ELOVL4: variants seen among roughly 807,000 people sequenced by gnomAD.
The protein encoded by ELOVL4 is ELOVL fatty acid elongase 4.
Under a neutral mutation model 42.1 loss-of-function variants are expected in ELOVL4, and 18 were observed. The ratio of observed to expected loss-of-function variants is 0.43; its 90% CI spans 0.30 to 0.63. ELOVL4 has a LOEUF of 0.63. ELOVL4 is among the 30% of genes least tolerant of loss of function. The pLI, the probability that ELOVL4 is intolerant of heterozygous loss-of-function variation, is 0.15. For synonymous variants in ELOVL4, 117 were observed against 127.0 expected, an observed-to-expected ratio of 0.92 and a Z score of 0.53; for missense variants, 299 against 376.2, an observed-to-expected ratio of 0.79 and a Z score of 1.70.
At position 79,915,142 on chromosome 6, in the gene ELOVL4, T is replaced by C. The variant is rs1398215409; in HGVS notation, c.*1466A>G. ...CAGCTTTGACATGTTGTTGAGATAC[T>C]TAAGAAATATTCATGCTTTTTTTTG... On this transcript the variant is annotated 3_prime_UTR_variant, in exon 6 of 6. Transcript: ENST00000369816. 2 of 152,470 alleles carry C rather than the reference T, an allele frequency of 1.3e-5. No individual in the cohort carries two copies. Among genetic ancestry groups the C allele is most frequent in the African/African-American group, 4.8e-5 (2 of 41,458 alleles). 9.4% of individuals were successfully genotyped at this position (152,470 alleles called of 1,614,324 possible).
At chr6:79,938,700 C>A (rs1582054858) in intron 1 of ELOVL4, among the ~76,000 whole-genome samples, 1 of 152,150 alleles carries the variant, frequency 6.6e-6, no homozygotes, top group South Asian at 2.1e-4. Context: ...ATCTCATACA[C>A]CAGCCTTTAT....
intron 1 of ELOVL4, among the ~76,000 whole-genome samples, chr6:79,933,071 A>G (rs1317993279): frequency 2.6e-5 from 4 of 152,224 alleles, no homozygotes; most frequent in Admixed American, 2.6e-4. Context: ...AAGAAATAAA[A>G]CAATCTGGAA....
chr6:79,947,008 C>G (rs1258719146), intron 1 of ELOVL4, among the ~76,000 whole-genome samples, 172 bp downstream of exon 1: 1 of 152,178 alleles, frequency 6.6e-6, no homozygotes, highest in Non-Finnish European at 1.5e-5. Flanking sequence ...ACATTCGGAT[C>G]AGATTAACCA....
At chr6:79,931,310 A>G (rs1014580584) in intron 1 of ELOVL4, among the ~76,000 whole-genome samples, 4 of 152,086 alleles carry the variant, frequency 2.6e-5, no homozygotes, top group Non-Finnish European at 5.9e-5. Flanking sequence ...TAGAATCATA[A>G]AATTTTAGAT....
intron 1 of ELOVL4, among the ~76,000 whole-genome samples, chr6:79,927,243 C>T (rs531952256): frequency 7.9e-5 from 12 of 151,976 alleles, no homozygotes; most frequent in Admixed American, 5.2e-4. Flanking sequence ...TCTTTTAACA[C>T]ATTATAAAAA....
intron 1 of ELOVL4, among the ~76,000 whole-genome samples, chr6:79,946,116 G>C (rs1774736186): frequency 6.6e-6 from 1 of 152,170 alleles, no homozygotes. Flanking sequence ...AAGTAGGGAA[G>C]GCAGAGTCAT....
intron 4 of ELOVL4, 40 bp from the exon 5 acceptor site, chr6:79,919,587 T>C: frequency 6.2e-7 from 1 of 1,601,302 alleles, no homozygotes; most frequent in Non-Finnish European, 8.5e-7. Flanking sequence ...TACAGAAAAT[T>C]TTATTAGGCA....
intron 4 of ELOVL4, 35 bp downstream of exon 4, chr6:79,921,590 T>C (rs747465851): frequency 1.8e-5 from 29 of 1,598,520 alleles, no homozygotes; most frequent in Non-Finnish European, 2.5e-5. Context: ...ATATATGCAA[T>C]TAAACGCAAG....
intron 5 of ELOVL4, 57 bp downstream of exon 5, chr6:79,919,363 C>T (rs1344081707): frequency 1.3e-6 from 2 of 1,586,088 alleles, no homozygotes. Flanking sequence ...TAAAATTAAT[C>T]AAATTTAAAC....
rs886061807 is a variant in ELOVL4 at position 79,947,541 on chromosome 6, T to G, written c.-262A>C. ...AGGCCCAGCCGCCAGCACAGTGCGC[T>G]GCACCAGTCTGCAGCCTCGCGCAGC... On this transcript the variant is annotated 5_prime_UTR_variant, in exon 1 of 6. Transcript: ENST00000369816. The G allele has an allele frequency of 4.3e-6, 2 of 468,284 alleles. No individual in the cohort carries two copies. Among genetic ancestry groups the G allele is most frequent in the Non-Finnish European group, 3.9e-6 (1 of 255,974 alleles). 29.0% of individuals were successfully genotyped at this position (468,284 alleles called of 1,614,324 possible). A position where few individuals can be genotyped will look rare whatever the true frequency, so the allele number is the denominator to read the frequency against.
Position 79,947,404 on chromosome 6 carries a change from G to C in ELOVL4, c.-125C>G, listed in dbSNP as rs886061803. 2 of 748,398 alleles carry C rather than the reference G, an allele frequency of 2.7e-6. No individual in the cohort carries two copies. The highest frequency in any genetic ancestry group is 4.6e-6 in the Non-Finnish European group (2 of 432,794). 46.4% of individuals were successfully genotyped at this position (748,398 alleles called of 1,614,324 possible). A position where few individuals can be genotyped will look rare whatever the true frequency, so the allele number is the denominator to read the frequency against. Reference sequence around the variant, plus strand: ...GAACCCCTCTAACGGCGGCGGCCCGGCTGCGTCTTCTCCTGCTCCTCAAGG... The same window carrying C: ...GAACCCCTCTAACGGCGGCGGCCCGCCTGCGTCTTCTCCTGCTCCTCAAGG... On this transcript the variant is annotated 5_prime_UTR_variant, in exon 1 of 6. Coordinates refer to ENST00000369816, the MANE Select transcript of ELOVL4 (RefSeq NM_022726.4).
At chr6:79,919,146 T>C (rs1317151672) in intron 5 of ELOVL4, among the ~76,000 whole-genome samples, 2 of 152,186 alleles carry the variant, frequency 1.3e-5, no homozygotes, top group Non-Finnish European at 2.9e-5. Context: ...TCTTTAATCA[T>C]CCTTTCCACA....
chr6:79,933,220 TTTTGTTTG>T (rs34315202), intron 1 of ELOVL4, among the ~76,000 whole-genome samples: 2,492 of 151,680 alleles, frequency 0.016, 28 homozygotes, highest in South Asian at 0.04. Context: ...ATTTGATTGT[TTTTGTTTG>T]TTTGTTTGTT....
At chr6:79,916,973 G>T in intron 5 of ELOVL4, 90 bp from the exon 6 acceptor site, 2 of 1,525,006 alleles carry the variant, frequency 1.3e-6, no homozygotes, top group Non-Finnish European at 1.8e-6. Context: ...GCTATCACAG[G>T]CCCAAATTTT....
intron 5 of ELOVL4, among the ~76,000 whole-genome samples, chr6:79,918,589 A>C (rs1343705881): frequency 6.6e-6 from 1 of 152,230 alleles, no homozygotes; most frequent in Non-Finnish European, 1.5e-5. Context: ...CTGTTTAGCA[A>C]CTTAAAGCAA....
intron 1 of ELOVL4, among the ~76,000 whole-genome samples, chr6:79,945,279 G>C (rs1225423576): frequency 6.6e-6 from 1 of 152,310 alleles, no homozygotes; most frequent in South Asian, 2.1e-4. Context: ...CTAGTGAGAG[G>C]TCACTTGTGT....
chr6:79,927,928 G>C (rs969111734), intron 1 of ELOVL4, among the ~76,000 whole-genome samples: 5 of 152,096 alleles, frequency 3.3e-5, no homozygotes, highest in Admixed American at 6.5e-5. Context: ...TTAAAAGATA[G>C]CACGGCTGAC....
At chr6:79,935,249 AT>A (rs560284669) in intron 1 of ELOVL4, among the ~76,000 whole-genome samples, 1 of 151,832 alleles carries the variant, frequency 6.6e-6, no homozygotes, top group African/African-American at 2.4e-5. Context: ...TAATAGACCA[AT>A]TTTTTTTCTG....
chr6:79,938,082 G>A (rs1774577946), intron 1 of ELOVL4, among the ~76,000 whole-genome samples: 1 of 152,190 alleles, frequency 6.6e-6, no homozygotes, highest in Non-Finnish European at 1.5e-5. Context: ...ATAAAAGCCA[G>A]TTCATAAGGG....
Sources: gnomAD v4.1 joint callset for allele counts (sites outside exome capture counted in the v4.1 genomes callset) on GRCh38, gnomAD v4.1.1 for gene constraint, MANE v1.5 for transcripts, NCBI Gene and HGNC (gene_info 2026-07-23, HGNC 2026-07-21) for gene names.